The following MAGI2 variants were observed in gnomAD, a reference collection of about 807,000 sequenced individuals.
MAGI2 encodes the protein membrane associated guanylate kinase, WW and PDZ domain containing 2, also known as membrane-associated guanylate kinase, WW and PDZ domain-containing protein 2.
In MAGI2, 35 loss-of-function variants were observed where a neutral mutation model predicts 133.3. The observed-to-expected ratio is 0.26, with a 90% CI of 0.20 to 0.35. The LOEUF (loss-of-function observed/expected upper bound fraction) is 0.35. Ranked by LOEUF, MAGI2 falls within the 10% of genes least tolerant of loss-of-function variation. MAGI2 has a pLI of 1.00. For synonymous variants in MAGI2, 729 were observed against 710.6 expected (o/e 1.03, Z -0.41); for missense variants, 1,636 against 1,863.4 (o/e 0.88, Z 2.25).
intron 1 of MAGI2, among the ~76,000 whole-genome samples, chr7:79,327,572 A>T (rs1188048350): frequency 6.6e-6 from 1 of 152,206 alleles, no homozygotes; most frequent in Non-Finnish European, 1.5e-5. Flanking sequence ...TTACATAATG[A>T]TACAAAGGCA....
intron 1 of MAGI2, among the ~76,000 whole-genome samples, chr7:79,256,605 C>T (rs1833702186): frequency 6.6e-6 from 1 of 150,776 alleles, no homozygotes. Flanking sequence ...ATCCTTTCAC[C>T]TCGATCTCCC....
intron 3 of MAGI2, among the ~76,000 whole-genome samples, chr7:78,573,027 ATATG>A (rs1216428996): frequency 2.0e-4 from 13 of 65,428 alleles, no homozygotes; most frequent in Non-Finnish European, 1.6e-4. Flanking sequence ...ATATATATGC[ATATG>A]TATGTATATA....
intron 14 of MAGI2, among the ~76,000 whole-genome samples, chr7:78,173,902 C>T (rs1488993959): frequency 6.6e-6 from 1 of 152,034 alleles, no homozygotes; most frequent in East Asian, 1.9e-4. Flanking sequence ...CTCAATGTTG[C>T]TAAATTTAAT....
intron 1 of MAGI2, among the ~76,000 whole-genome samples, chr7:79,330,582 T>A (rs1840005504): frequency 6.6e-6 from 1 of 152,050 alleles, no homozygotes; most frequent in Non-Finnish European, 1.5e-5. Context: ...TTTATTTAAG[T>A]TTTTTGTAAA....
In MAGI2 at chr7:78,734,536, G is replaced by C. The variant is rs1415717269; in HGVS notation, c.419-107297C>G. ...CTCTGTAGTCATTCCTTTGTCAAGTGAATTTTGAGTACTTCCTGTAAGAGC... is the reference window on the plus strand; with the variant it reads ...CTCTGTAGTCATTCCTTTGTCAAGTCAATTTTGAGTACTTCCTGTAAGAGC... On this transcript the variant is annotated intron_variant, in intron 2 of 21. Coordinates refer to ENST00000354212, the MANE Select transcript of MAGI2 (RefSeq NM_012301.4). Among the ~76,000 whole-genome samples the C allele has an allele frequency of 2.0e-5, 3 of 152,268 alleles. No homozygotes were observed. The East Asian group carries it at 5.8e-4, about 29-fold the overall frequency.
intron 13 of MAGI2, among the ~76,000 whole-genome samples, chr7:78,183,279 T>G (rs1259673453): frequency 6.6e-6 from 1 of 150,862 alleles, no homozygotes; most frequent in East Asian, 1.9e-4. Flanking sequence ...TTTTTTTTTT[T>G]TTTTTGAGAT....
chr7:79,128,940 G>A (rs373895971), intron 1 of MAGI2, among the ~76,000 whole-genome samples: 3 of 152,082 alleles, frequency 2.0e-5, no homozygotes, highest in East Asian at 3.9e-4. Flanking sequence ...GCATGATCTC[G>A]GCTCACTGCA....
rs377672697 is a variant in MAGI2, at chr7:78,032,009, CTTT to C, written c.3707-12036_3707-12034del. Among the ~76,000 whole-genome samples, 407 of 124,150 alleles carry C rather than the reference CTTT, an allele frequency of 3.3e-3. 1 individual carries two copies. The highest frequency in any genetic ancestry group is 4.8e-3 in the Non-Finnish European group (291 of 60,458). The allele number at this position is 124,150 out of a possible 152,430, so 81.4% of individuals were successfully genotyped here. On this transcript the variant is annotated intron_variant, in intron 21 of 21. Transcript: ENST00000354212. ...GTCCCCAGGGGACAAAGCCCCCCCACTTTTTTTTTTTTTTTTTTTTTTACAATT... is the reference window on the plus strand; with the variant it reads ...GTCCCCAGGGGACAAAGCCCCCCCACTTTTTTTTTTTTTTTTTTTACAATT...
chr7:79,379,461 C>T (rs1314450096), intron 1 of MAGI2, among the ~76,000 whole-genome samples: 2 of 152,014 alleles, frequency 1.3e-5, no homozygotes. Flanking sequence ...ATTTATAATC[C>T]TTTGGGTATA....
At chr7:78,685,947 C>G (rs1290754433) in intron 2 of MAGI2, among the ~76,000 whole-genome samples, 1 of 143,878 alleles carries the variant, frequency 7.0e-6, no homozygotes, top group African/African-American at 2.5e-5. Flanking sequence ...GGTTCCTGCT[C>G]TTACTTTCTT....
At chr7:78,840,103 T>G (rs549000273) in intron 2 of MAGI2, among the ~76,000 whole-genome samples, 1 of 152,178 alleles carries the variant, frequency 6.6e-6, no homozygotes, top group South Asian at 2.1e-4. Flanking sequence ...TTTTTTAAAT[T>G]TAGGTGCTTA....
intron 2 of MAGI2, among the ~76,000 whole-genome samples, chr7:78,640,223 TAA>T (rs1810136494): frequency 6.6e-6 from 1 of 152,120 alleles, no homozygotes; most frequent in Non-Finnish European, 1.5e-5. Flanking sequence ...AACTGTCAAA[TAA>T]TCATTTGAGA....
intron 10 of MAGI2, among the ~76,000 whole-genome samples, chr7:78,230,001 CGTTA>C (rs1359685133): frequency 6.6e-6 from 1 of 152,194 alleles, no homozygotes; most frequent in Non-Finnish European, 1.5e-5. Flanking sequence ...ACAGTGCCTA[CGTTA>C]ACTGTTAGTA....
chr7:79,214,010 A>C (rs1225898943), intron 1 of MAGI2, among the ~76,000 whole-genome samples: 3 of 152,058 alleles, frequency 2.0e-5, no homozygotes, highest in Admixed American at 1.3e-4. Context: ...ATGGGAATTT[A>C]AACTGGATTT....
intron 6 of MAGI2, among the ~76,000 whole-genome samples, chr7:78,410,979 C>G (rs887528505): frequency 1.1e-4 from 16 of 151,800 alleles, no homozygotes; most frequent in African/African-American, 3.9e-4. Context: ...CAGTAACATG[C>G]CATCAACAAT....
chr7:78,388,537 G>A (rs1368752394), intron 6 of MAGI2, among the ~76,000 whole-genome samples: 2 of 152,170 alleles, frequency 1.3e-5, no homozygotes, highest in East Asian at 1.9e-4. Context: ...TTAAGTAGGA[G>A]GAGACTTTAT....
At chr7:78,362,898 C>T (rs1792972802) in intron 7 of MAGI2, among the ~76,000 whole-genome samples, 1 of 152,126 alleles carries the variant, frequency 6.6e-6, no homozygotes, top group Non-Finnish European at 1.5e-5. Context: ...TCGCTTCGAC[C>T]TTATCAGTCA....
chr7:78,780,211 A>C (rs897793382), intron 2 of MAGI2, among the ~76,000 whole-genome samples: 10 of 152,230 alleles, frequency 6.6e-5, no homozygotes, highest in African/African-American at 2.4e-4. Flanking sequence ...TTGTAGAGTA[A>C]ATATGCCCAT....
At chr7:78,685,975 C>CTT (rs111441733) in intron 2 of MAGI2, among the ~76,000 whole-genome samples, 22,924 of 141,436 alleles carry the variant, frequency 0.16, 2,693 homozygotes, top group East Asian at 0.53. Flanking sequence ...TTTTTCTTTT[C>CTT]TTTTTTTTTT....
Sources: gnomAD v4.1 joint callset for allele counts (sites outside exome capture counted in the v4.1 genomes callset) on GRCh38, gnomAD v4.1.1 for gene constraint, MANE v1.5 for transcripts, NCBI Gene and HGNC (gene_info 2026-07-23, HGNC 2026-07-21) for gene names.